ATP2B2: variants seen among roughly 807,000 people sequenced by gnomAD.
ATP2B2 encodes the protein plasma membrane calcium-transporting ATPase 2.
In ATP2B2, 15 loss-of-function variants were observed where a neutral mutation model predicts 120.0. The observed-to-expected ratio is 0.12, with a 90% CI of 0.08 to 0.19. The LOEUF (loss-of-function observed/expected upper bound fraction) is 0.19. Among genes scored for constraint, ATP2B2 ranks in the 10% least tolerant of loss-of-function variants. ATP2B2 has a pLI of 1.00. For missense variants in ATP2B2, 1,045 were observed against 1,719.8 expected (o/e 0.61, Z 6.94); for synonymous variants, 694 against 700.3 (o/e 0.99, Z 0.14).
intron 2 of ATP2B2, among the ~76,000 whole-genome samples, chr3:10,574,887 G>C (rs1449064653): frequency 2.6e-5 from 4 of 152,112 alleles, no homozygotes; most frequent in Non-Finnish European, 4.4e-5. Flanking sequence ...GGGGATATGA[G>C]GGTGGGATTC....
At chr3:10,507,832 G>A (rs1339683095), upstream of ATP2B2, among the ~76,000 whole-genome samples, 1 of 152,176 alleles carries the variant, frequency 6.6e-6, no homozygotes, top group Non-Finnish European at 1.5e-5. Flanking sequence ...GTGTAGTTCA[G>A]GGGGATGTGG....
At chr3:10,332,513 A>T (rs1465109617) in intron 22 of ATP2B2, among the ~76,000 whole-genome samples, 3 of 152,206 alleles carry the variant, frequency 2.0e-5, no homozygotes, top group Non-Finnish European at 2.9e-5. Context: ...GTCCTTGACC[A>T]CCAGTGGGAA....
chr3:10,594,556 G>A (rs1401753081), intron 2 of ATP2B2, among the ~76,000 whole-genome samples: 7 of 144,418 alleles, frequency 4.8e-5, no homozygotes, highest in Non-Finnish European at 9.0e-5. Context: ...ATCACACACC[G>A]GGGCCTGTTG....
chr3:10,648,651 T>C (rs1575590883), intron 1 of ATP2B2, among the ~76,000 whole-genome samples: 1 of 152,092 alleles, frequency 6.6e-6, no homozygotes. Flanking sequence ...TGGTCCTGGG[T>C]TCCTTCCCTA....
intron 4 of ATP2B2, among the ~76,000 whole-genome samples, chr3:10,401,839 G>A (rs979996866): frequency 6.6e-6 from 1 of 152,200 alleles, no homozygotes; most frequent in Admixed American, 6.5e-5. Flanking sequence ...TGTCTGCTAT[G>A]GGTGGAAGTT....
intron 3 of ATP2B2, among the ~76,000 whole-genome samples, chr3:10,522,545 AAGG>A (rs1352026019): frequency 6.6e-6 from 1 of 152,216 alleles, no homozygotes; most frequent in African/African-American, 2.4e-5. Context: ...TAGCTGGAGA[AAGG>A]AGATGTGTTT....
At chr3:10,478,247 G>A (rs1178881009) in intron 1 of ATP2B2, among the ~76,000 whole-genome samples, 1 of 152,146 alleles carries the variant, frequency 6.6e-6, no homozygotes, top group African/African-American at 2.4e-5. Flanking sequence ...AGTTGTAGGA[G>A]TTCTCGACAT....
At chr3:10,577,510 G>A (rs370094594) in intron 2 of ATP2B2, among the ~76,000 whole-genome samples, 3 of 152,074 alleles carry the variant, frequency 2.0e-5, no homozygotes, top group East Asian at 3.9e-4. Context: ...AGAAACCATC[G>A]GCTGGGCCAG....
intron 18 of ATP2B2, among the ~76,000 whole-genome samples, chr3:10,344,429 C>T (rs376414926): frequency 2.8e-4 from 42 of 152,340 alleles, no homozygotes; most frequent in African/African-American, 9.9e-4. Flanking sequence ...CTGGGGTAGC[C>T]GGAGCTGCCA....
intron 2 of ATP2B2, among the ~76,000 whole-genome samples, chr3:10,576,902 A>G (rs1187853363): frequency 6.6e-6 from 1 of 152,012 alleles, no homozygotes. Context: ...GTCTCTACTA[A>G]AATTAGCCTG....
intron 7 of ATP2B2, among the ~76,000 whole-genome samples, chr3:10,385,839 C>A (rs1373129701): frequency 6.6e-6 from 1 of 152,248 alleles, no homozygotes. Context: ...TAACTGGATT[C>A]ATGCCCTTGA....
At chr3:10,602,644 A>T (rs938704047) in intron 2 of ATP2B2, among the ~76,000 whole-genome samples, 21 of 152,250 alleles carry the variant, frequency 1.4e-4, no homozygotes, top group African/African-American at 5.1e-4. Context: ...AAACCACTTA[A>T]TTGCATTAAA....
At chr3:10,381,735 G>C (rs2061535522) in intron 8 of ATP2B2, among the ~76,000 whole-genome samples, 1 of 152,214 alleles carries the variant, frequency 6.6e-6, no homozygotes. Flanking sequence ...TGGGGTCCAA[G>C]ACTGAGCCCT....
intron 2 of ATP2B2, among the ~76,000 whole-genome samples, chr3:10,568,556 T>C (rs2068058526): frequency 6.6e-6 from 1 of 152,260 alleles, no homozygotes; most frequent in Admixed American, 6.5e-5. Context: ...ACTTCAGTTC[T>C]GGCTGTTGAA....
chr3:10,586,073 T>A (rs1167503917), intron 2 of ATP2B2, among the ~76,000 whole-genome samples: 1 of 152,216 alleles, frequency 6.6e-6, no homozygotes, highest in African/African-American at 2.4e-5. Context: ...GTCCCCTTAG[T>A]GGTCATTTTT....
intron 2 of ATP2B2, among the ~76,000 whole-genome samples, chr3:10,602,580 A>G (rs1223686556): frequency 2.0e-5 from 3 of 152,144 alleles, no homozygotes; most frequent in Admixed American, 6.5e-5. Context: ...GATGATTTTT[A>G]TTTCTTTGTA....
intron 2 of ATP2B2, among the ~76,000 whole-genome samples, chr3:10,431,331 A>C (rs2063307857): frequency 6.6e-6 from 1 of 152,194 alleles, no homozygotes; most frequent in Middle Eastern, 3.4e-3. Context: ...AAGAGAGTCA[A>C]TCTACACAGC....
chr3:10,628,973 G>A (rs1403230661), intron 1 of ATP2B2, among the ~76,000 whole-genome samples: 1 of 152,088 alleles, frequency 6.6e-6, no homozygotes. Flanking sequence ...AATATCTATC[G>A]TTGGCTCATT....
At chr3:10,560,578 C>A (rs2067880078) in intron 2 of ATP2B2, among the ~76,000 whole-genome samples, 1 of 152,196 alleles carries the variant, frequency 6.6e-6, no homozygotes, top group Non-Finnish European at 1.5e-5. Flanking sequence ...GCCTGGCTCC[C>A]ATCAGCCCCT....
Sources: gnomAD v4.1 joint callset for allele counts (sites outside exome capture counted in the v4.1 genomes callset) on GRCh38, gnomAD v4.1.1 for gene constraint, MANE v1.5 for transcripts, NCBI Gene and HGNC (gene_info 2026-07-23, HGNC 2026-07-21) for gene names.